DPP6: variants seen among roughly 807,000 people sequenced by gnomAD.
DPP6 encodes the protein dipeptidyl peptidase like 6, also known as A-type potassium channel modulatory protein DPP6.
A neutral mutation model predicts 122.6 loss-of-function variants in DPP6; 69 were observed. That is an observed-to-expected ratio of 0.56 (90% CI 0.46 to 0.69). The LOEUF (loss-of-function observed/expected upper bound fraction) is 0.69. DPP6 is among the 30% of genes least tolerant of loss of function. The pLI, the probability that DPP6 is intolerant of heterozygous loss-of-function variation, is 0.00. For missense variants in DPP6, 928 were observed against 1,116.9 expected, an observed-to-expected ratio of 0.83 and a Z score of 2.41; for synonymous variants, 418 against 433.1, an observed-to-expected ratio of 0.97 and a Z score of 0.43.
chr7:154,494,359 A>G (rs762744394), intron 3 of DPP6, among the ~76,000 whole-genome samples: 9 of 149,182 alleles, frequency 6.0e-5, no homozygotes, highest in Non-Finnish European at 5.9e-5. Context: ...CTGTCTCAAA[A>G]AAATATATAT....
the DPP6 span, among the ~76,000 whole-genome samples, chr7:153,757,879 A>C: frequency 6.6e-6 from 1 of 152,162 alleles, no homozygotes; most frequent in African/African-American, 2.4e-5. Flanking sequence ...GAATCGCTTG[A>C]ACCCAGGAGG....
At chr7:154,473,045 G>A (rs2035847) in intron 2 of DPP6, among the ~76,000 whole-genome samples, 1 of 152,016 alleles carries the variant, frequency 6.6e-6, no homozygotes, top group African/African-American at 2.4e-5. Flanking sequence ...GAGGCACATA[G>A]ATACCTTAAG....
intron 1 of DPP6, among the ~76,000 whole-genome samples, chr7:154,137,195 C>G (rs1383354128): frequency 1.3e-5 from 2 of 152,214 alleles, no homozygotes; most frequent in Non-Finnish European, 2.9e-5. Context: ...TGACAACCAT[C>G]TAAACTCAGC....
At chr7:154,555,526 T>A (rs1209302066) in intron 4 of DPP6, among the ~76,000 whole-genome samples, 1 of 151,908 alleles carries the variant, frequency 6.6e-6, no homozygotes. Flanking sequence ...AAATGACGAG[T>A]TAATGGGTGC....
the DPP6 span, among the ~76,000 whole-genome samples, chr7:153,866,469 T>A: frequency 6.6e-6 from 1 of 152,236 alleles, no homozygotes; most frequent in Non-Finnish European, 1.5e-5. Context: ...AAGTGTCTGT[T>A]CATATCCTTT....
intron 1 of DPP6, among the ~76,000 whole-genome samples, chr7:153,961,758 A>G (rs1031773533): frequency 7.8e-6 from 1 of 128,268 alleles, no homozygotes. Flanking sequence ...AGACAGTGAC[A>G]GATCATCAGG....
intron 6 of DPP6, among the ~76,000 whole-genome samples, chr7:154,638,999 C>G (rs916030644): frequency 5.3e-5 from 8 of 152,198 alleles, no homozygotes; most frequent in African/African-American, 1.7e-4. Flanking sequence ...CTGTGAATAT[C>G]TAGGTTGAGG....
chr7:154,474,707 G>A (rs561985669), intron 2 of DPP6, among the ~76,000 whole-genome samples: 23 of 152,214 alleles, frequency 1.5e-4, no homozygotes, highest in Non-Finnish European at 2.5e-4. Flanking sequence ...ACATGCTGCA[G>A]GTGTGGGTGA....
intron 1 of DPP6, among the ~76,000 whole-genome samples, chr7:153,984,526 AGCAGGT>A (rs1796747432): frequency 6.6e-6 from 1 of 152,188 alleles, no homozygotes; most frequent in East Asian, 1.9e-4. Context: ...ACTGCCTTGG[AGCAGGT>A]GCAACTTCAG....
intron 16 of DPP6, among the ~76,000 whole-genome samples, chr7:154,853,186 G>A (rs988962918): frequency 1.3e-5 from 2 of 152,178 alleles, no homozygotes; most frequent in Non-Finnish European, 2.9e-5. Flanking sequence ...ACAGATCAGG[G>A]GCCACCTGGT....
the DPP6 span, among the ~76,000 whole-genome samples, chr7:153,851,309 A>G: frequency 6.6e-6 from 1 of 152,050 alleles, no homozygotes; most frequent in East Asian, 1.9e-4. Flanking sequence ...TTTTCATTAA[A>G]CCCACTCATT....
the DPP6 span, among the ~76,000 whole-genome samples, chr7:153,786,422 T>A: frequency 7.3e-5 from 11 of 151,394 alleles, no homozygotes; most frequent in African/African-American, 2.7e-4. Flanking sequence ...ACATCCCTAG[T>A]AATTAAAATA....
intron 1 of DPP6, among the ~76,000 whole-genome samples, chr7:153,932,808 TA>T (rs1801233451): frequency 6.6e-6 from 1 of 152,180 alleles, no homozygotes; most frequent in African/African-American, 2.4e-5. Flanking sequence ...CTGATGATCT[TA>T]ACCCGTGTCA....
chr7:154,001,643 G>A (rs1797698009), intron 1 of DPP6, among the ~76,000 whole-genome samples: 1 of 152,046 alleles, frequency 6.6e-6, no homozygotes, highest in Admixed American at 6.6e-5. Flanking sequence ...CATGGAGCAA[G>A]GTAACCTCCA....
intron 16 of DPP6, among the ~76,000 whole-genome samples, chr7:154,830,552 C>G (rs757277952): frequency 1.3e-5 from 2 of 152,226 alleles, no homozygotes; most frequent in Non-Finnish European, 2.9e-5. Context: ...AAAAACCTTA[C>G]CAGCAAGGTG....
intron 1 of DPP6, among the ~76,000 whole-genome samples, chr7:154,244,976 G>A (rs1801878723): frequency 6.8e-6 from 1 of 146,364 alleles, no homozygotes; most frequent in East Asian, 2.1e-4. Context: ...TTTGAGTTAG[G>A]GTCTTGCTCT....
intron 16 of DPP6, among the ~76,000 whole-genome samples, chr7:154,851,439 TG>T (rs1802374583): frequency 6.6e-6 from 1 of 152,248 alleles, no homozygotes; most frequent in Admixed American, 6.5e-5. Flanking sequence ...CACCCTGAAA[TG>T]TGCAGAGAAA....
chr7:153,982,636 A>G (rs1052195486), intron 1 of DPP6, among the ~76,000 whole-genome samples: 2 of 151,880 alleles, frequency 1.3e-5, no homozygotes, highest in African/African-American at 4.8e-5. Flanking sequence ...CGGTTTTTGG[A>G]ATTTTCAGCC....
the DPP6 span, among the ~76,000 whole-genome samples, chr7:153,753,913 A>G: frequency 1.3e-5 from 2 of 152,300 alleles, no homozygotes; most frequent in African/African-American, 2.4e-5. Context: ...GGAACATCGT[A>G]TTCTACCAAT....
Sources: allele counts gnomAD v4.1 joint callset (sites outside exome capture counted in the v4.1 genomes callset), GRCh38; gene constraint gnomAD v4.1.1; transcripts MANE v1.5; gene names NCBI Gene and HGNC (gene_info 2026-07-23, HGNC 2026-07-21).